Variants in NRXN3 observed in about 807,000 individuals in gnomAD.
NRXN3 encodes the protein neurexin 3.
NRXN3 carries 32 observed loss-of-function variants against 137.6 expected under a neutral mutation model. The observed-to-expected ratio is 0.23, with a 90% CI of 0.18 to 0.31. The LOEUF (loss-of-function observed/expected upper bound fraction) is 0.31. Among genes scored for constraint, NRXN3 ranks in the 10% least tolerant of loss-of-function variants. NRXN3 has a pLI of 1.00. For missense variants in NRXN3, 1,574 were observed against 2,062.5 expected, an observed-to-expected ratio of 0.76 and a Z score of 4.59; for synonymous variants, 798 against 784.5, an observed-to-expected ratio of 1.02 and a Z score of -0.29.
At chr14:78,317,886 T>A (rs1239840129) in intron 4 of NRXN3, among the ~76,000 whole-genome samples, 1 of 152,116 alleles carries the variant, frequency 6.6e-6, no homozygotes, top group African/African-American at 2.4e-5. Context: ...CTATCCTGAG[T>A]ATAATTGAAA....
At chr14:79,142,021 G>A (rs1293257514) in intron 15 of NRXN3, among the ~76,000 whole-genome samples, 1 of 152,186 alleles carries the variant, frequency 6.6e-6, no homozygotes, top group African/African-American at 2.4e-5. Context: ...ATAAAGTACT[G>A]TGTGAGCACA....
intron 15 of NRXN3, among the ~76,000 whole-genome samples, chr14:79,066,873 G>A (rs139159043): frequency 5.9e-5 from 9 of 152,202 alleles, no homozygotes; most frequent in East Asian, 1.9e-4. Context: ...GAGCTGAGCC[G>A]ATGGGGTTTT....
chr14:78,436,591 C>G (rs754810611), intron 4 of NRXN3, among the ~76,000 whole-genome samples: 1 of 152,204 alleles, frequency 6.6e-6, no homozygotes, highest in Non-Finnish European at 1.5e-5. Context: ...AGCAAGGAAG[C>G]CACCACCCAC....
chr14:79,288,544 G>T (rs902343757), intron 15 of NRXN3, among the ~76,000 whole-genome samples: 1 of 152,062 alleles, frequency 6.6e-6, no homozygotes, highest in African/African-American at 2.4e-5. Context: ...ACTATTTTAC[G>T]ATTAAAAACA....
intron 4 of NRXN3, among the ~76,000 whole-genome samples, chr14:78,455,156 C>T (rs746602031): frequency 5.9e-5 from 9 of 152,178 alleles, no homozygotes; most frequent in South Asian, 2.1e-4. Flanking sequence ...CATCAAGTGT[C>T]GCAACTGCAC....
At chr14:79,591,789 T>G (rs571897158) in intron 16 of NRXN3, among the ~76,000 whole-genome samples, 1 of 152,298 alleles carries the variant, frequency 6.6e-6, no homozygotes, top group African/African-American at 2.4e-5. Context: ...CTAGTTTACT[T>G]TTCCTCTTCT....
intron 4 of NRXN3, among the ~76,000 whole-genome samples, chr14:78,605,686 T>A (rs1483872076): frequency 6.6e-6 from 1 of 151,890 alleles, no homozygotes; most frequent in Admixed American, 6.6e-5. Flanking sequence ...AGTGCTATAT[T>A]TGAACATCTA....
intron 6 of NRXN3, among the ~76,000 whole-genome samples, chr14:78,682,166 G>A (rs1487821999): frequency 6.6e-6 from 1 of 151,944 alleles, no homozygotes; most frequent in African/African-American, 2.4e-5. Context: ...ACACCTGGCC[G>A]ATTGATACTT....
At chr14:78,327,511 A>G (rs2080250286) in intron 4 of NRXN3, among the ~76,000 whole-genome samples, 1 of 152,216 alleles carries the variant, frequency 6.6e-6, no homozygotes, top group African/African-American at 2.4e-5. Context: ...CTTATTATTT[A>G]TAGCTCAAAC....
At chr14:78,652,395 T>C (rs1409881150) in intron 6 of NRXN3, among the ~76,000 whole-genome samples, 5 of 152,178 alleles carry the variant, frequency 3.3e-5, no homozygotes, top group African/African-American at 1.2e-4. Flanking sequence ...CTAAGGTCAA[T>C]TGTTGAGGCA....
intron 10 of NRXN3, among the ~76,000 whole-genome samples, chr14:78,906,300 C>T (rs1365735104): frequency 1.3e-5 from 2 of 152,002 alleles, no homozygotes; most frequent in African/African-American, 4.8e-5. Context: ...ACACTGTGCC[C>T]TGCACTCCAA....
intron 4 of NRXN3, among the ~76,000 whole-genome samples, chr14:78,349,987 T>C (rs959733107): frequency 5.3e-5 from 8 of 152,300 alleles, no homozygotes; most frequent in Admixed American, 3.9e-4. Context: ...ATGGTAACTA[T>C]TGAAATTGTT....
At chr14:78,998,762 CTTTT>C (rs1237108042) in intron 15 of NRXN3, among the ~76,000 whole-genome samples, 1 of 119,806 alleles carries the variant, frequency 8.3e-6, no homozygotes, top group Admixed American at 8.5e-5. Context: ...CCATGCCCAG[CTTTT>C]TTTTTTTTTT....
chr14:79,382,169 A>G (rs889667602), intron 15 of NRXN3, among the ~76,000 whole-genome samples: 1 of 152,186 alleles, frequency 6.6e-6, no homozygotes, highest in African/African-American at 2.4e-5. Flanking sequence ...CACGTAGGAC[A>G]TCCCTGGCAT....
intron 6 of NRXN3, among the ~76,000 whole-genome samples, chr14:78,672,653 C>G (rs924320143): frequency 6.6e-6 from 1 of 152,218 alleles, no homozygotes; most frequent in Non-Finnish European, 1.5e-5. Context: ...GTCACGCCCA[C>G]AGGACTCTTC....
chr14:79,449,076 C>T (rs2096120233), intron 15 of NRXN3, among the ~76,000 whole-genome samples: 1 of 152,060 alleles, frequency 6.6e-6, no homozygotes, highest in African/African-American at 2.4e-5. Flanking sequence ...CCCAGGAGCC[C>T]TTTTGTTCTT....
At chr14:79,321,654 G>GTA (rs1203572631) in intron 15 of NRXN3, among the ~76,000 whole-genome samples, 1 of 151,502 alleles carries the variant, frequency 6.6e-6, no homozygotes, top group Non-Finnish European at 1.5e-5. Context: ...ACATATATGT[G>GTA]TATAGTTCCT....
chr14:78,804,106 G>C (rs1329069271), intron 9 of NRXN3, among the ~76,000 whole-genome samples: 1 of 152,116 alleles, frequency 6.6e-6, no homozygotes, highest in Non-Finnish European at 1.5e-5. Flanking sequence ...TTAGCTTTGT[G>C]TAAAACACGC....
rs2141178595 is a variant in NRXN3 at position 79,827,718 on chromosome 14, G to A, written c.4093+22528G>A. Reference sequence around the variant, plus strand: ...TTTTTTTTTTTTTTTTTTTGAGATGGATTCTCACTCTTGTCGCCCAGGCTG... The same window carrying A: ...TTTTTTTTTTTTTTTTTTTGAGATGAATTCTCACTCTTGTCGCCCAGGCTG... On this transcript the variant is annotated intron_variant, in intron 20 of 20. Coordinates refer to ENST00000335750, the MANE Select transcript of NRXN3 (RefSeq NM_001330195.2). 2.1e-5 allele frequency among the ~76,000 whole-genome samples: 3 copies of A among 141,482 alleles called. No individual in the cohort carries two copies. In the South Asian group the frequency reaches 6.6e-4, roughly 31 times the overall value. The allele number at this position is 141,482 out of a possible 152,430, so 92.8% of individuals were successfully genotyped here.
Sources: allele counts gnomAD v4.1 joint callset (sites outside exome capture counted in the v4.1 genomes callset), GRCh38; gene constraint gnomAD v4.1.1; transcripts MANE v1.5; gene names NCBI Gene and HGNC (gene_info 2026-07-23, HGNC 2026-07-21).